Variants in MRPL13 observed in about 807,000 individuals in gnomAD.
The protein encoded by MRPL13 is large ribosomal subunit protein uL13m.
A neutral mutation model predicts 29.0 loss-of-function variants in MRPL13; 33 were observed. That is an observed-to-expected ratio of 1.14 (90% confidence interval 0.86 to 1.52). MRPL13 has a LOEUF of 1.52. Ranked by LOEUF, MRPL13 falls within the 40% of genes most tolerant of loss-of-function variation. The pLI, the probability that MRPL13 is intolerant of heterozygous loss-of-function variation, is 0.00. For synonymous variants in MRPL13, 77 were observed against 68.4 expected (o/e 1.13, Z -0.62); for missense variants, 227 against 216.7 (o/e 1.05, Z -0.30).
At chr8:120,421,146 C>A (rs1221330534) in intron 4 of MRPL13, among the ~76,000 whole-genome samples, 1 of 151,186 alleles carries the variant, frequency 6.6e-6, no homozygotes, top group East Asian at 1.9e-4. Flanking sequence ...AATCTATATC[C>A]CAGGGTACGT....
chr8:120,398,313 G>T (rs1012171913), intron 6 of MRPL13, among the ~76,000 whole-genome samples: 3 of 152,162 alleles, frequency 2.0e-5, no homozygotes, highest in Non-Finnish European at 2.9e-5. Flanking sequence ...TTGCTGTTTT[G>T]CAGCCTTAAC....
chr8:120,413,571 G>GT (rs1242521307), intron 6 of MRPL13, among the ~76,000 whole-genome samples: 2 of 152,088 alleles, frequency 1.3e-5, no homozygotes, highest in African/African-American at 4.8e-5. Context: ...AGAGCAAAAA[G>GT]TATTTTTTTA....
chr8:120,441,808 A>T (rs912915988), intron 2 of MRPL13, among the ~76,000 whole-genome samples: 4 of 152,236 alleles, frequency 2.6e-5, no homozygotes, highest in African/African-American at 9.6e-5. Flanking sequence ...CTGGTTACAT[A>T]GAGAGTATCT....
intron 6 of MRPL13, among the ~76,000 whole-genome samples, chr8:120,405,328 G>A (rs1441732675): frequency 2.6e-5 from 4 of 152,160 alleles, no homozygotes; most frequent in Non-Finnish European, 4.4e-5. Context: ...GAAATTCAAG[G>A]TAATATAAGA....
intron 4 of MRPL13, 121 bp downstream of exon 4, chr8:120,425,185 A>T (rs1212151218): frequency 1.5e-6 from 1 of 680,454 alleles, no homozygotes; most frequent in Non-Finnish European, 2.4e-6. Context: ...TGATACAGCT[A>T]AAGTGAAGAA....
chr8:120,402,331 C>A (rs1812607791), intron 6 of MRPL13, among the ~76,000 whole-genome samples: 1 of 152,110 alleles, frequency 6.6e-6, no homozygotes, highest in South Asian at 2.1e-4. Context: ...GAATTGAGAA[C>A]TCAGAAATAA....
At chr8:120,410,941 GT>G (rs370057124) in intron 6 of MRPL13, among the ~76,000 whole-genome samples, 1 of 151,460 alleles carries the variant, frequency 6.6e-6, no homozygotes, top group African/African-American at 2.4e-5. Flanking sequence ...TATCCGGCTA[GT>G]TTTTTTTGTA....
At position 120,414,047 on chromosome 8, in the gene MRPL13, T is replaced by C; in HGVS notation, c.459A>G (p.Lys153=). ...CTTCTTGTGTGTACTCATCTAGACG[T>C]TTAGGTATTTTTCGTGGTTGAGGAA... ...EELPQPRKIP[K]RLDEYTQEEI... Residue 153 remains lysine, a synonymous_variant, in exon 6 of 7, where the codon AAA becomes AAG. Coordinates refer to ENST00000306185, the MANE Select transcript of MRPL13 (RefSeq NM_014078.6). 3 of 1,602,964 alleles carry C rather than the reference T, an allele frequency of 1.9e-6. No homozygotes were observed. Among genetic ancestry groups the C allele is most frequent in the Non-Finnish European group, 2.6e-6 (3 of 1,175,592 alleles).
At chr8:120,412,964 T>C (rs2130460923) in intron 6 of MRPL13, among the ~76,000 whole-genome samples, 1 of 152,352 alleles carries the variant, frequency 6.6e-6, no homozygotes, top group African/African-American at 2.4e-5. Flanking sequence ...ACTGACTCAC[T>C]AGATTGCTCT....
chr8:120,444,568 C>T (rs1359798976), intron 1 of MRPL13, among the ~76,000 whole-genome samples: 1 of 152,178 alleles, frequency 6.6e-6, no homozygotes. Context: ...TGCACCATCA[C>T]GTCTCGCCTG....
intron 6 of MRPL13, among the ~76,000 whole-genome samples, chr8:120,397,246 C>T (rs1812535397): frequency 6.6e-6 from 1 of 152,178 alleles, no homozygotes; most frequent in South Asian, 2.1e-4. Context: ...AGAGCAGTTG[C>T]TCAGGCTCAC....
rs1168919250 is a variant in MRPL13 at position 120,440,717 on chromosome 8, AAAT to A, written c.151+2465_151+2467del. On this transcript the variant is annotated intron_variant, in intron 2 of 6. Coordinates refer to ENST00000306185, the MANE Select transcript of MRPL13 (RefSeq NM_014078.6). ...ACAATTAATAGTAAAAAAATAAATA[AAAT>A]AATAATAAATAAATAAATAAAGGAA... Among the ~76,000 whole-genome samples, 4 of 151,402 alleles carry A rather than the reference AAAT, an allele frequency of 2.6e-5. No individual in the cohort carries two copies. In the East Asian group the frequency reaches 7.7e-4, roughly 29 times the overall value.
At chr8:120,440,207 G>C (rs1271666899) in intron 2 of MRPL13, among the ~76,000 whole-genome samples, 1 of 152,222 alleles carries the variant, frequency 6.6e-6, no homozygotes, top group African/African-American at 2.4e-5. Context: ...GAGGAATCAG[G>C]CGAGGCCTCT....
At chr8:120,443,003 G>A (rs535580845) in intron 2 of MRPL13, among the ~76,000 whole-genome samples, 182 bp downstream of exon 2, 1 of 152,068 alleles carries the variant, frequency 6.6e-6, no homozygotes, top group Non-Finnish European at 1.5e-5. Context: ...TGATCCATAC[G>A]GTTTTCCAGT....
At chr8:120,407,186 A>C (rs961029852) in intron 6 of MRPL13, among the ~76,000 whole-genome samples, 17 of 152,244 alleles carry the variant, frequency 1.1e-4, no homozygotes, top group Admixed American at 9.2e-4. Context: ...TTCAGAAATG[A>C]CAGAAGTCAA....
chr8:120,414,530 T>C (rs1236333710), intron 5 of MRPL13: 2 of 152,302 alleles, frequency 1.3e-5, no homozygotes, highest in African/African-American at 2.4e-5. Context: ...AAACATTTAT[T>C]GAACTTCTAA....
Position 120,432,126 on chromosome 8 carries a change from A to G in MRPL13, c.152-3T>C. ...AACAACATGATCCCCACAGTCACCT[A>G]CATTTTAAAAAGAAACAAGATTTTG... On this transcript the variant is annotated splice_polypyrimidine_tract_variant and splice_region_variant and intron_variant, in intron 2 of 6. Coordinates refer to ENST00000306185, the MANE Select transcript of MRPL13 (RefSeq NM_014078.6). The G allele has an allele frequency of 6.4e-7, 1 of 1,558,054 alleles. No homozygotes were observed. The highest frequency in any genetic ancestry group is 8.6e-7 in the Non-Finnish European group (1 of 1,157,882).
At chr8:120,426,286 T>A (rs1469004598) in intron 3 of MRPL13, among the ~76,000 whole-genome samples, 1 of 152,110 alleles carries the variant, frequency 6.6e-6, no homozygotes, top group African/African-American at 2.4e-5. Context: ...TACCTAAAGG[T>A]GATTTTTTCC....
At chr8:120,407,240 A>G (rs555054303) in intron 6 of MRPL13, among the ~76,000 whole-genome samples, 1 of 152,342 alleles carries the variant, frequency 6.6e-6, no homozygotes, top group African/African-American at 2.4e-5. Flanking sequence ...CTCACCTCTT[A>G]ACATTAGGAA....
Sources: allele counts gnomAD v4.1 joint callset (sites outside exome capture counted in the v4.1 genomes callset), GRCh38; gene constraint gnomAD v4.1.1; transcripts MANE v1.5; gene names NCBI Gene and HGNC (gene_info 2026-07-23, HGNC 2026-07-21).